The following TRAIP variants were observed in gnomAD, a reference collection of about 807,000 sequenced individuals.
The protein encoded by TRAIP is TRAF interacting protein, also known as E3 ubiquitin-protein ligase TRAIP.
TRAIP carries 37 observed loss-of-function variants against 65.0 expected under a neutral mutation model. The observed-to-expected ratio is 0.57, with a 90% CI of 0.44 to 0.75. TRAIP has a LOEUF of 0.75. Among genes scored for constraint, TRAIP ranks in the 30% least tolerant of loss-of-function variants. The pLI is 0.00. For missense variants in TRAIP, 481 were observed against 579.4 expected (o/e 0.83, Z 1.74); for synonymous variants, 187 against 219.1 (o/e 0.85, Z 1.29).
chr3:49,844,907 T>C (rs2081869140), intron 3 of TRAIP, among the ~76,000 whole-genome samples: 1 of 152,256 alleles, frequency 6.6e-6, no homozygotes, highest in South Asian at 2.1e-4. Context: ...ATCACTTCCT[T>C]GGCCTCATCG....
At chr3:49,835,755 C>T (rs4519692) in intron 10 of TRAIP, among the ~76,000 whole-genome samples, 41,791 of 151,296 alleles carry the variant, frequency 0.28, 5,986 homozygotes, top group South Asian at 0.32. Context: ...CTGGCTAACA[C>T]GGTGAAACCC....
chr3:49,829,087 G>A lies in TRAIP; in HGVS notation c.*16C>T. ...GTTGCAGGCATGTGTCTGGCCATTG[G>A]TCAGACTCACTGTTCTCACGACCAC... is the stretch of plus-strand genomic sequence containing the variant. On this transcript the variant is annotated 3_prime_UTR_variant, in exon 15 of 15. Coordinates refer to ENST00000331456, the MANE Select transcript of TRAIP (RefSeq NM_005879.3). 1.2e-6 allele frequency: 2 copies of A among 1,614,188 alleles called. No individual in the cohort carries two copies. The highest frequency in any genetic ancestry group is 1.7e-6 in the Non-Finnish European group (2 of 1,180,016).
chr3:49,839,884 G>A (rs1167415557), intron 9 of TRAIP, 24 bp from the exon 10 acceptor site: 1 of 1,610,448 alleles, frequency 6.2e-7, no homozygotes, highest in Non-Finnish European at 8.5e-7. Flanking sequence ...AGAAAAGTGT[G>A]TGAGAGAAAG....
In TRAIP at chr3:49,828,988, C is replaced by T; in HGVS notation, c.*115G>A. ...ACTCACCCTCACCTGTTTGTCTGCC[C>T]TTACACCTCAGGCTGGTCCCGAAAG... On this transcript the variant is annotated 3_prime_UTR_variant, in exon 15 of 15. Coordinates refer to ENST00000331456, the MANE Select transcript of TRAIP (RefSeq NM_005879.3). 6.8e-7 allele frequency: 1 copy of T among 1,464,230 alleles called. No individual in the cohort carries two copies. The highest frequency in any genetic ancestry group is 1.2e-5 in the South Asian group (1 of 82,442). 90.7% of individuals were successfully genotyped at this position (1,464,230 alleles called of 1,614,324 possible).
At position 49,841,028 on chromosome 3, in the gene TRAIP, A is replaced by C; in HGVS notation, c.662T>G (p.Val221Gly). The change falls in exon 8 of 15, where the codon GTG becomes GGG. Residue 221 changes from valine (V) to glycine (G), a missense_variant. Val to Gly is a moderately radical substitution (Grantham distance 109). Transcript: ENST00000331456. ...LKEARKASGE[V>G]ADKLRKDLFS... ...CAAATCCTTCCTCAGCTTGTCAGCC[A>C]CCTCCCCTGAGGCCTTCCGTGCCTC... The C allele has an allele frequency of 6.2e-7, 1 of 1,613,904 alleles. No homozygotes were observed. The highest frequency in any genetic ancestry group is 8.5e-7 in the Non-Finnish European group (1 of 1,179,982).
intron 5 of TRAIP, 126 bp downstream of exon 5, chr3:49,843,675 A>G (rs1336568308): frequency 1.5e-6 from 2 of 1,341,872 alleles, no homozygotes; most frequent in Non-Finnish European, 2.1e-6. Context: ...ATTTGCCTCT[A>G]TTTTACAACT....
chr3:49,853,319 T>C (rs1182320829), intron 1 of TRAIP, among the ~76,000 whole-genome samples: 3 of 151,884 alleles, frequency 2.0e-5, no homozygotes, highest in Non-Finnish European at 2.9e-5. Flanking sequence ...AGAAGTTGGA[T>C]AAGGGCCGAG....
rs761179044 is a variant in TRAIP at position 49,841,953 on chromosome 3, C to T, written c.504-14G>A. The T allele has an allele frequency of 3.1e-6, 5 of 1,609,322 alleles. No individual in the cohort carries two copies. Among genetic ancestry groups the T allele is most frequent in the Non-Finnish European group, 4.3e-6 (5 of 1,175,786 alleles). ...AGAAGCTCAATCCTGAAAAATACAC[C>T]CAGCCCACGGCATTTGCAATCTGGA... On this transcript the variant is annotated splice_polypyrimidine_tract_variant and intron_variant, in intron 6 of 14. Transcript: ENST00000331456.
chr3:49,855,532 T>G (rs7648285), intron 1 of TRAIP, among the ~76,000 whole-genome samples: 4 of 152,220 alleles, frequency 2.6e-5, no homozygotes, highest in African/African-American at 4.8e-5. Flanking sequence ...AGAGTACGCT[T>G]AGAGGCGAGC....
chr3:49,831,877 C>T, intron 11 of TRAIP, 39 bp downstream of exon 11: 1 of 1,491,264 alleles, frequency 6.7e-7, no homozygotes, highest in East Asian at 2.5e-5. Flanking sequence ...TAGCTATCCC[C>T]CTACCAGCCC....
Position 49,843,888 on chromosome 3 carries a change from CAG to C in TRAIP, c.319_320del (p.Leu107AlafsTer41). 1 of 1,613,202 alleles carries C rather than the reference CAG, an allele frequency of 6.2e-7. No individual in the cohort carries two copies. Among genetic ancestry groups the C allele is most frequent in the South Asian group, 1.1e-5 (1 of 91,068 alleles). ...CATTGCGTTCTTCCAGCGTATCCCG[CAG>C]AGTGTCGATGATGACCTGGCTGTCT... ...KRDSQVIIDT[L>X]RDTLEERNAT... On this transcript the variant is annotated frameshift_variant, in exon 5 of 15. Coordinates refer to ENST00000331456, the MANE Select transcript of TRAIP (RefSeq NM_005879.3). LOFTEE classifies it high-confidence loss of function.
intron 1 of TRAIP, among the ~76,000 whole-genome samples, chr3:49,850,382 C>G (rs994431976): frequency 6.6e-6 from 1 of 151,736 alleles, no homozygotes; most frequent in Non-Finnish European, 1.5e-5. Flanking sequence ...GCCTGTAATC[C>G]CAGCTACTTG....
At position 49,832,148 on chromosome 3, in the gene TRAIP, C is replaced by T. The variant is rs2081739861; in HGVS notation, c.885-80G>A. On this transcript the variant is annotated intron_variant, in intron 10 of 14. Transcript: ENST00000331456. ...AGCTCCTGAAGCATCAGAGATAACT[C>T]AGCTCCAGGGACCTGGAGCCCACTC... 17 of 1,434,070 alleles carry T rather than the reference C, an allele frequency of 1.2e-5. No homozygotes were observed. In the South Asian group the frequency reaches 2.3e-4, roughly 20 times the overall value. 88.8% of individuals were successfully genotyped at this position (1,434,070 alleles called of 1,614,324 possible).
chr3:49,841,040 G>T lies in TRAIP; in HGVS notation c.650C>A (p.Ala217Asp). 6.2e-7 allele frequency: 1 copy of T among 1,614,168 alleles called. No individual in the cohort carries two copies. Among genetic ancestry groups the T allele is most frequent in the Non-Finnish European group, 8.5e-7 (1 of 1,180,026 alleles). The change falls in exon 8 of 15, where the codon GCC (alanine) becomes GAC (aspartate). Residue 217 changes from alanine to aspartate, a missense_variant. By Grantham distance (126) the Ala-to-Asp change is moderately radical. Transcript: ENST00000331456. ...EYENLKEARK[A>D]SGEVADKLRK... ...CAGCTTGTCAGCCACCTCCCCTGAG[G>T]CCTTCCGTGCCTCTTTTAGATTCTC...
chr3:49,836,772 A>C (rs574475254), intron 10 of TRAIP, among the ~76,000 whole-genome samples: 66 of 152,042 alleles, frequency 4.3e-4, no homozygotes, highest in South Asian at 4.2e-3. Context: ...CTGCTATGAG[A>C]ACAGTGAAAA....
At chr3:49,843,101 C>T (rs2081852346) in intron 5 of TRAIP, 1 of 155,416 alleles carries the variant, frequency 6.4e-6, no homozygotes, top group African/African-American at 2.4e-5. Flanking sequence ...GTGATCCAGC[C>T]CAGCCCCCAA....
chr3:49,835,297 G>C (rs1332334687), intron 10 of TRAIP, among the ~76,000 whole-genome samples: 2 of 152,212 alleles, frequency 1.3e-5, no homozygotes, highest in African/African-American at 4.8e-5. Flanking sequence ...AAGACATTAT[G>C]CTAAGTGAAA....
intron 11 of TRAIP, among the ~76,000 whole-genome samples, chr3:49,831,696 T>C (rs1013653864): frequency 6.6e-6 from 1 of 152,196 alleles, no homozygotes; most frequent in Admixed American, 6.5e-5. Flanking sequence ...TACGTTTGCC[T>C]TGAAAGGTGA....
chr3:49,843,893 T>C lies in TRAIP; in HGVS notation c.316A>G (p.Thr106Ala). 6.2e-7 allele frequency: 1 copy of C among 1,612,232 alleles called. No individual in the cohort carries two copies. Among genetic ancestry groups the C allele is most frequent in the Non-Finnish European group, 8.5e-7 (1 of 1,178,478 alleles). Residue 106 changes from threonine to alanine, a missense_variant, in exon 5 of 15, where the codon ACT (threonine) becomes GCT (alanine). By Grantham distance (58) the Thr-to-Ala change is moderately conservative. Coordinates refer to ENST00000331456, the MANE Select transcript of TRAIP (RefSeq NM_005879.3). The part of the protein sequence containing the change: ...EKRDSQVIID[T>A]LRDTLEERNA... ...CGTTCTTCCAGCGTATCCCGCAGAG[T>C]GTCGATGATGACCTGGCTGTCTCGT... is the stretch of plus-strand genomic sequence containing the variant.
Sources: gnomAD v4.1 joint callset for allele counts (sites outside exome capture counted in the v4.1 genomes callset) on GRCh38, gnomAD v4.1.1 for gene constraint, MANE v1.5 for transcripts, NCBI Gene and HGNC (gene_info 2026-07-23, HGNC 2026-07-21) for gene names.